MYOM2: variants seen among roughly 807,000 people sequenced by gnomAD.
MYOM2 encodes the protein myomesin 2, also known as myomesin-2.
In MYOM2, 254 loss-of-function variants were observed where a neutral mutation model predicts 187.6. That is an observed-to-expected ratio of 1.35 (90% CI 1.22 to 1.50). The LOEUF (loss-of-function observed/expected upper bound fraction) is 1.50, where lower values mean the gene tolerates loss of function less well. Among genes scored for constraint, MYOM2 ranks in the 40% most tolerant of loss-of-function variants. MYOM2 has a pLI of 0.00. For synonymous variants in MYOM2, 981 were observed against 753.8 expected, an observed-to-expected ratio of 1.30 and a Z score of -4.94; for missense variants, 2,796 against 1,924.0, an observed-to-expected ratio of 1.45 and a Z score of -8.48.
At chr8:2,065,038 G>A (rs541969241) in intron 6 of MYOM2, among the ~76,000 whole-genome samples, 2 of 152,298 alleles carry the variant, frequency 1.3e-5, no homozygotes, top group East Asian at 3.9e-4. Flanking sequence ...TTATTTCTTA[G>A]TTACTAATAT....
rs533975916 is a variant in MYOM2, at chr8:2,117,451, C to T, written c.3386-434C>T. On this transcript the variant is annotated intron_variant, in intron 27 of 36. Coordinates refer to ENST00000262113, the MANE Select transcript of MYOM2 (RefSeq NM_003970.4). ...TGTTTTACAAAATTGCTAGGTCAAACTGTTGTTTCTTTATCTCATATCTAT... is the reference window on the plus strand; with the variant it reads ...TGTTTTACAAAATTGCTAGGTCAAATTGTTGTTTCTTTATCTCATATCTAT... Among the ~76,000 whole-genome samples the T allele has an allele frequency of 7.9e-5, 12 of 152,284 alleles. No individual in the cohort carries two copies. In the South Asian group the frequency reaches 2.5e-3, roughly 32 times the overall value.
At chr8:2,129,633 C>T (rs75023072) in intron 32 of MYOM2, among the ~76,000 whole-genome samples, 4,202 of 152,172 alleles carry the variant, frequency 0.028, 60 homozygotes, top group Middle Eastern at 0.048. Flanking sequence ...CAAAACAAGC[C>T]CAATCATTAA....
rs267601847 is a variant in MYOM2 at position 2,092,368 on chromosome 8, G to A, written c.1851G>A (p.Arg617=). Residue 617 remains arginine, a synonymous_variant, in exon 16 of 37, where the codon CGG becomes CGA. Transcript: ENST00000262113. ...DVTVVPSAPG[R]VLASRNTKTS... ...AAGTTGTCCCTTCTGCTCCGGGTCG[G>A]GTTCTTGCTTCCCGAAACACCAAGA... 2 of 1,613,922 alleles carry A rather than the reference G, an allele frequency of 1.2e-6. No individual in the cohort carries two copies. The highest frequency in any genetic ancestry group is 1.3e-5 in the African/African-American group (1 of 74,886).
intron 14 of MYOM2, among the ~76,000 whole-genome samples, chr8:2,087,740 C>A (rs1010393708): frequency 6.6e-6 from 1 of 152,202 alleles, no homozygotes; most frequent in Non-Finnish European, 1.5e-5. Context: ...GCCCCTAACA[C>A]CCAGAGTAGC....
chr8:2,086,603 A>G (rs1023529309), intron 14 of MYOM2, among the ~76,000 whole-genome samples: 1 of 151,964 alleles, frequency 6.6e-6, no homozygotes, highest in Admixed American at 6.6e-5. Flanking sequence ...TGCTGGGGAA[A>G]ATGAGGTTAG....
At position 2,095,249 on chromosome 8, in the gene MYOM2, C is replaced by T. The variant is rs541138593; in HGVS notation, c.2126-998C>T. On this transcript the variant is annotated intron_variant, in intron 17 of 36. Coordinates refer to ENST00000262113, the MANE Select transcript of MYOM2 (RefSeq NM_003970.4). ...TTCCAGGAGGGACTTTCAAACATTC[C>T]CATTTTCTTTTTAATGTCATTCCTA... 2.0e-4 allele frequency among the ~76,000 whole-genome samples: 30 copies of T among 151,922 alleles called. No homozygotes were observed. In the South Asian group the frequency reaches 5.8e-3, roughly 30 times the overall value.
At chr8:2,083,605 T>C (rs763155851) in intron 13 of MYOM2, among the ~76,000 whole-genome samples, 5 of 152,354 alleles carry the variant, frequency 3.3e-5, no homozygotes, top group Admixed American at 6.5e-5. Context: ...GTGTCTCATG[T>C]GTGCTTAACG....
At chr8:2,068,566 C>T (rs190150933) in intron 6 of MYOM2, among the ~76,000 whole-genome samples, 74 of 151,962 alleles carry the variant, frequency 4.9e-4, no homozygotes, top group African/African-American at 1.6e-3. Flanking sequence ...GAGAGCATCC[C>T]GGGGGACAGC....
At position 2,085,269 on chromosome 8, in the gene MYOM2, C is replaced by T. The variant is rs1420260867; in HGVS notation, c.1523C>T (p.Ala508Val). The change falls in exon 14 of 37, where the codon GCC becomes GTC. Residue 508 changes from alanine to valine, a missense_variant. Ala to Val is a moderately conservative substitution (Grantham distance 64). Coordinates refer to ENST00000262113, the MANE Select transcript of MYOM2 (RefSeq NM_003970.4). ...GAATTTATTATTCCTCCAGGTGACG[C>T]CCAGGTTCCAGGGCCTCCCACCGGT... ...AIYQDDLEGD[A>V]QVPGPPTGVH... is the part of the protein sequence containing the mutation. 1.8e-5 allele frequency: 29 copies of T among 1,613,924 alleles called. No individual in the cohort carries two copies. The highest frequency in any genetic ancestry group is 2.4e-5 in the Non-Finnish European group (28 of 1,179,964).
chr8:2,087,446 A>G (rs1269623527), intron 14 of MYOM2, among the ~76,000 whole-genome samples: 10 of 152,144 alleles, frequency 6.6e-5, no homozygotes, highest in African/African-American at 2.4e-4. Context: ...ATTTCAGGGT[A>G]AAGCATTACA....
rs759081418 is a variant in MYOM2, at chr8:2,076,197, G to A, written c.1177G>A (p.Asp393Asn). 2 of 1,613,504 alleles carry A rather than the reference G, an allele frequency of 1.2e-6. No homozygotes were observed. The highest frequency in any genetic ancestry group is 1.7e-6 in the Non-Finnish European group (2 of 1,179,890). Residue 393 changes from aspartate (D) to asparagine (N), a missense_variant, in exon 11 of 37, where the codon GAC (aspartate) becomes AAC (asparagine). By Grantham distance (23) the Asp-to-Asn change is conservative (BLOSUM62 1). Transcript: ENST00000262113. ...PGAPMDLQCH[D>N]ANRDYVIVTW... ...TGCACCCATGGACTTGCAGTGCCAC[G>A]ACGCCAACCGGGACTACGTCATCGT...
rs190887380 is a variant in MYOM2 at position 2,059,833 on chromosome 8, C to T, written c.653+588C>T. ...TCTCGGCTCACCACAACCTCCACTT[C>T]CCAGGATCAAGCGATTCTCCTGCCT... On this transcript the variant is annotated intron_variant, in intron 6 of 36. Transcript: ENST00000262113. Among the ~76,000 whole-genome samples the T allele has an allele frequency of 3.3e-3, 493 of 150,224 alleles. 8 individuals are homozygous for T. The highest frequency in any genetic ancestry group is 0.012 in the African/African-American group (479 of 40,826).
Position 2,123,320 on chromosome 8 carries a change from A to G in MYOM2, c.3522A>G (p.Thr1174=). 4 of 1,614,064 alleles carry G rather than the reference A, an allele frequency of 2.5e-6. No homozygotes were observed. Among genetic ancestry groups the G allele is most frequent in the Non-Finnish European group, 3.4e-6 (4 of 1,179,990 alleles). Residue 1174 remains threonine (T), a synonymous_variant, in exon 29 of 37, where the codon ACA becomes ACG. Transcript: ENST00000262113. ...ATGATGTTCTGTATGAAACGGAGACACTGCCTAACCTGGAGAGGGGAATCT... is the reference window on the plus strand; with the variant it reads ...ATGATGTTCTGTATGAAACGGAGACGCTGCCTAACCTGGAGAGGGGAATCT... ...LKDDVLYETE[T]LPNLERGICE...
chr8:2,097,145 T>G, intron 18 of MYOM2: 7 of 975,800 alleles, frequency 7.2e-6, no homozygotes, highest in Non-Finnish European at 8.5e-6. Context: ...TTTTGGAGAG[T>G]GTAAGGCCTT....
chr8:2,140,847 A>G lies in MYOM2; in HGVS notation c.3925A>G (p.Lys1309Glu). The G allele has an allele frequency of 6.2e-7, 1 of 1,614,156 alleles. No individual in the cohort carries two copies. Among genetic ancestry groups the G allele is most frequent in the Non-Finnish European group, 8.5e-7 (1 of 1,179,984 alleles). ...ATACACTTTTGAGATTTTCGATGGC[A>G]AAGACAACCATCAACGCTCCCTTGA... is the stretch of plus-strand genomic sequence containing the variant. Reference protein sequence around the residue: ...GKYTFEIFDGKDNHQRSLDLS... With the variant: ...GKYTFEIFDGEDNHQRSLDLS... Residue 1309 changes from lysine (K) to glutamate (E), a missense_variant, in exon 33 of 37, where the codon AAA becomes GAA. Transcript: ENST00000262113.
chr8:2,092,549 C>T (rs1796343816), intron 16 of MYOM2, 29 bp downstream of exon 16: 2 of 1,608,888 alleles, frequency 1.2e-6, no homozygotes, highest in South Asian at 1.1e-5. Flanking sequence ...GCCCTGGAGT[C>T]AGCCTTGCAG....
intron 15 of MYOM2, among the ~76,000 whole-genome samples, chr8:2,091,016 C>CTTTTTTTTTTTT (rs35873643): frequency 2.8e-4 from 24 of 86,482 alleles, no homozygotes; most frequent in East Asian, 8.4e-4. Context: ...AATGATAGTT[C>CTTTTTTTTTTTT]TTTTTTTTTT....
intron 6 of MYOM2, among the ~76,000 whole-genome samples, chr8:2,067,040 A>C (rs1264492702): frequency 6.6e-6 from 1 of 152,196 alleles, no homozygotes; most frequent in Non-Finnish European, 1.5e-5. Context: ...TAGGGAGGTC[A>C]GATGGTTTTA....
chr8:2,119,030 T>C (rs1797337787), intron 28 of MYOM2: 1 of 152,350 alleles, frequency 6.6e-6, no homozygotes, highest in East Asian at 1.9e-4. Flanking sequence ...AGATCAGCAC[T>C]GTACGGGGAG....
Sources: allele counts gnomAD v4.1 joint callset (sites outside exome capture counted in the v4.1 genomes callset), GRCh38; gene constraint gnomAD v4.1.1; transcripts MANE v1.5; gene names NCBI Gene and HGNC (gene_info 2026-07-23, HGNC 2026-07-21).